The following BFAR variants were observed in gnomAD, a reference collection of about 807,000 sequenced individuals.
BFAR encodes bifunctional apoptosis regulator.
BFAR carries 52 observed loss-of-function variants against 54.4 expected under a neutral mutation model. The ratio of observed to expected loss-of-function variants is 0.96; its 90% CI spans 0.77 to 1.21. BFAR has a LOEUF of 1.21. Among genes scored for constraint, BFAR ranks in the 50% most tolerant of loss-of-function variants. The pLI, the probability that BFAR is intolerant of heterozygous loss-of-function variation, is 0.00. For synonymous variants in BFAR, 215 were observed against 204.3 expected, an observed-to-expected ratio of 1.05 and a Z score of -0.45; for missense variants, 571 against 534.0, an observed-to-expected ratio of 1.07 and a Z score of -0.68.
chr16:14,644,227 A>G, intron 1 of BFAR, 47 bp from the exon 2 acceptor site: 3 of 1,064,622 alleles, frequency 2.8e-6, no homozygotes, highest in Non-Finnish European at 4.1e-6. Context: ...ACTGCTCTTC[A>G]AACAACTACT....
chr16:14,636,380 G>A (rs1389464219), intron 1 of BFAR, among the ~76,000 whole-genome samples: 2 of 152,162 alleles, frequency 1.3e-5, no homozygotes, highest in Non-Finnish European at 2.9e-5. Flanking sequence ...GTGGAGAGAA[G>A]GTCAGCAGAT....
At chr16:14,660,079 G>A (rs920696473) in intron 5 of BFAR, among the ~76,000 whole-genome samples, 4 of 152,072 alleles carry the variant, frequency 2.6e-5, no homozygotes, top group African/African-American at 4.8e-5. Flanking sequence ...GAACATCTCC[G>A]TCACTCCCAG....
chr16:14,657,294 G>T (rs1278708454), intron 5 of BFAR, among the ~76,000 whole-genome samples: 1 of 151,628 alleles, frequency 6.6e-6, no homozygotes. Context: ...TGTCGCCCAG[G>T]CTGGAGTGCA....
In BFAR at chr16:14,659,615, A is replaced by G. The variant is rs372036964; in HGVS notation, c.784-2277A>G. Among the ~76,000 whole-genome samples the G allele has an allele frequency of 8.0e-5, 12 of 150,926 alleles. No individual in the cohort carries two copies. The East Asian group carries it at 1.2e-3, about 15-fold the overall frequency. The stretch of plus-strand genomic sequence containing the variant: ...GCCCAGGCTGGAGTGCAGTGGCGCA[A>G]TCTCCACTCACTGCAAGCTCCGCCT... On this transcript the variant is annotated intron_variant, in intron 5 of 7. Transcript: ENST00000261658.
At chr16:14,641,619 T>G (rs1294271747) in intron 1 of BFAR, among the ~76,000 whole-genome samples, 2 of 150,900 alleles carry the variant, frequency 1.3e-5, no homozygotes, top group Non-Finnish European at 2.9e-5. Context: ...CCCAGCACTT[T>G]GGGAGGCTGA....
rs1959920965 is a variant in BFAR at position 14,649,951 on chromosome 16, T to G, written c.616T>G (p.Leu206Val). 1.2e-6 allele frequency: 2 copies of G among 1,611,030 alleles called. No homozygotes were observed. Among genetic ancestry groups the G allele is most frequent in the Non-Finnish European group, 1.7e-6 (2 of 1,178,548 alleles). Residue 206 changes from leucine to valine, a missense_variant, in exon 4 of 8, where the codon TTA becomes GTA. Transcript: ENST00000261658. ...PWASLYRERF[L>V]SERVNGRLLL... ...GGCATCTCTTTACAGGGAAAGGTTTTTATCTGAACGAGTAAATGGAAGGTG... is the reference window on the plus strand; with the variant it reads ...GGCATCTCTTTACAGGGAAAGGTTTGTATCTGAACGAGTAAATGGAAGGTG...
chr16:14,648,317 G>A, intron 2 of BFAR, 71 bp from the exon 3 acceptor site: 1 of 1,205,860 alleles, frequency 8.3e-7, no homozygotes, highest in Non-Finnish European at 1.2e-6. Flanking sequence ...TGACTATCAG[G>A]GCTTTTTTGG....
intron 5 of BFAR, among the ~76,000 whole-genome samples, chr16:14,657,268 A>C (rs1427747622): frequency 6.6e-6 from 1 of 150,676 alleles, no homozygotes; most frequent in Non-Finnish European, 1.5e-5. Flanking sequence ...TTGTTTTTTG[A>C]GAGGGTGTCT....
At chr16:14,641,822 A>G (rs1959637453) in intron 1 of BFAR, among the ~76,000 whole-genome samples, 4 of 151,526 alleles carry the variant, frequency 2.6e-5, no homozygotes, top group African/African-American at 4.9e-5. Flanking sequence ...AGGTTGTGCT[A>G]TTGCACTCCA....
intron 6 of BFAR, 36 bp downstream of exon 6, chr16:14,662,101 A>C: frequency 6.2e-7 from 1 of 1,609,818 alleles, no homozygotes; most frequent in Non-Finnish European, 8.5e-7. Flanking sequence ...AAGTTATTCC[A>C]CTGTCAAGTT....
intron 4 of BFAR, among the ~76,000 whole-genome samples, chr16:14,653,834 A>G (rs1291498655): frequency 6.6e-6 from 1 of 151,554 alleles, no homozygotes; most frequent in Non-Finnish European, 1.5e-5. Flanking sequence ...CAGCCTCCCA[A>G]GTAATTAAAA....
chr16:14,644,777 G>A (rs1241590108), intron 2 of BFAR, among the ~76,000 whole-genome samples, 168 bp downstream of exon 2: 1 of 151,834 alleles, frequency 6.6e-6, no homozygotes, highest in Admixed American at 6.6e-5. Context: ...AAAGTGCTGG[G>A]ATTATAGGTG....
At chr16:14,661,782 T>C in intron 5 of BFAR, 110 bp from the exon 6 acceptor site, 1 of 1,183,566 alleles carries the variant, frequency 8.4e-7, no homozygotes, top group South Asian at 1.4e-5. Context: ...TCATGCATTG[T>C]GTGTACCATG....
intron 4 of BFAR, chr16:14,650,333 A>AAG (rs898994476): frequency 2.3e-5 from 4 of 175,990 alleles, no homozygotes; most frequent in Admixed American, 1.3e-4. Context: ...CCATCTCAAA[A>AAG]AGAGAGAGAG....
At chr16:14,638,321 C>T (rs8057764) in intron 1 of BFAR, among the ~76,000 whole-genome samples, 8,736 of 152,226 alleles carry the variant, frequency 0.057, 281 homozygotes, top group African/African-American at 0.082. Context: ...AGTTCAAGCC[C>T]ACAGTGATCC....
intron 5 of BFAR, among the ~76,000 whole-genome samples, chr16:14,656,627 T>A (rs1322296971): frequency 6.6e-6 from 1 of 152,100 alleles, no homozygotes; most frequent in South Asian, 2.1e-4. Flanking sequence ...AGAGGGTCAT[T>A]GTGAGACTCC....
intron 1 of BFAR, 82 bp from the exon 2 acceptor site, chr16:14,644,192 A>G: frequency 2.5e-6 from 2 of 802,316 alleles, no homozygotes; most frequent in South Asian, 1.8e-5. Context: ...TAGCGCTTCA[A>G]TAGAATGTCA....
chr16:14,666,688 C>G (rs1456606619), intron 7 of BFAR, among the ~76,000 whole-genome samples: 1 of 152,196 alleles, frequency 6.6e-6, no homozygotes, highest in Admixed American at 6.6e-5. Flanking sequence ...ATGAATGGTT[C>G]TGAGAACCTA....
intron 5 of BFAR, 141 bp from the exon 6 acceptor site, chr16:14,661,751 C>A: frequency 1.1e-6 from 1 of 919,156 alleles, no homozygotes. Flanking sequence ...ATCACTTGGC[C>A]TCTTCTTGCC....
Sources: gnomAD v4.1 joint callset for allele counts (sites outside exome capture counted in the v4.1 genomes callset) on GRCh38, gnomAD v4.1.1 for gene constraint, MANE v1.5 for transcripts, NCBI Gene and HGNC (gene_info 2026-07-23, HGNC 2026-07-21) for gene names.